Variants in MAPK14 observed in about 807,000 individuals in gnomAD.
MAPK14 encodes the protein mitogen-activated protein kinase 14, also known as CSAID-binding protein.
In MAPK14, 16 loss-of-function variants were observed where a neutral mutation model predicts 49.6. The ratio of observed to expected loss-of-function variants is 0.32; its 90% CI spans 0.22 to 0.49. The LOEUF (loss-of-function observed/expected upper bound fraction) is 0.49. Among genes scored for constraint, MAPK14 ranks in the 20% least tolerant of loss-of-function variants. MAPK14 has a pLI of 0.99. For synonymous variants in MAPK14, 142 were observed against 158.0 expected (o/e 0.90, Z 0.76); for missense variants, 200 against 441.2 (o/e 0.45, Z 4.90).
Position 36,107,414 on chromosome 6 carries a change from A to G in MAPK14, c.842-41A>G. 1.4e-6 allele frequency: 2 copies of G among 1,422,400 alleles called. No individual in the cohort carries two copies. Among genetic ancestry groups the G allele is most frequent in the Non-Finnish European group, 1.9e-6 (2 of 1,063,246 alleles). The allele number at this position is 1,422,400 out of a possible 1,614,324, so 88.1% of individuals were successfully genotyped here. A position where few individuals can be genotyped will look rare whatever the true frequency, so the allele number is the denominator to read the frequency against. ...TCAATAAGGCATACTTTTTTGTAAC[A>G]TGTTAAAAACTCTTTTCCTTCCTGT... On this transcript the variant is annotated intron_variant, in intron 10 of 11. Transcript: ENST00000229794. This position sits in a 1 kb window ranked among gnomAD's most constrained non-coding sequence, Gnocchi z 4.3.
intron 11 of MAPK14, among the ~76,000 whole-genome samples, chr6:36,108,133 G>T (rs12530381): frequency 6.6e-6 from 1 of 151,926 alleles, no homozygotes; most frequent in African/African-American, 2.4e-5. Flanking sequence ...GAGCACCTCC[G>T]TAGAGAGCTT....
chr6:36,061,913 T>G (rs1763835990), intron 3 of MAPK14, among the ~76,000 whole-genome samples: 1 of 152,244 alleles, frequency 6.6e-6, no homozygotes, highest in South Asian at 2.1e-4. Flanking sequence ...TTCCATTGTT[T>G]ACTTTTTATT....
chr6:36,032,889 C>T (rs184190188), intron 1 of MAPK14, among the ~76,000 whole-genome samples: 5 of 152,188 alleles, frequency 3.3e-5, no homozygotes, highest in African/African-American at 9.6e-5. Context: ...ATACAACTTC[C>T]TAAGTGCTTT....
Position 36,079,629 on chromosome 6 carries a change from C to G in MAPK14, c.682+3021C>G, listed in dbSNP as rs141914302. Among the ~76,000 whole-genome samples, 1,366 of 152,302 alleles carry G rather than the reference C, an allele frequency of 9.0e-3. 17 individuals carry two copies. Among genetic ancestry groups the G allele is most frequent in the African/African-American group, 0.032 (1,312 of 41,558 alleles). Reference sequence around the variant, plus strand: ...GGAAAAGCTTGCTCTAGAAGGTACTCATTGTTTGAGTGTCCAGTTTTCTCC... The same window carrying G: ...GGAAAAGCTTGCTCTAGAAGGTACTGATTGTTTGAGTGTCCAGTTTTCTCC... On this transcript the variant is annotated intron_variant, in intron 8 of 11. Coordinates refer to ENST00000229794, the MANE Select transcript of MAPK14 (RefSeq NM_139012.3).
chr6:36,096,729 C>T (rs1221266079), intron 9 of MAPK14: 1 of 152,210 alleles, frequency 6.6e-6, no homozygotes, highest in Non-Finnish European at 1.5e-5. Flanking sequence ...CCTCCTATTG[C>T]CTTGTAATTA....
intron 6 of MAPK14, among the ~76,000 whole-genome samples, chr6:36,075,511 A>T (rs139319338): frequency 6.6e-6 from 1 of 152,200 alleles, no homozygotes; most frequent in East Asian, 1.9e-4. Flanking sequence ...TTTTAAATCT[A>T]TCCACCTGCT....
rs147950374 is a variant in MAPK14 at position 36,076,949 on chromosome 6, A to G, written c.682+341A>G. 1,330 of 181,118 alleles carry G rather than the reference A, an allele frequency of 7.3e-3. 8 individuals are homozygous for G. Among genetic ancestry groups the G allele is most frequent in the Non-Finnish European group, 0.012 (1,014 of 87,058 alleles). 11.2% of individuals were successfully genotyped at this position (181,118 alleles called of 1,614,324 possible). On this transcript the variant is annotated intron_variant, in intron 8 of 11. Transcript: ENST00000229794. ...CCAGTGACAGTTTTAGTCTTCTTGT[A>G]TAAACACTTAATGAGCACAAGATGC...
At chr6:36,080,837 C>T (rs1453507253) in intron 8 of MAPK14, among the ~76,000 whole-genome samples, 2 of 151,946 alleles carry the variant, frequency 1.3e-5, no homozygotes, top group Non-Finnish European at 2.9e-5. Context: ...TCCTGTATCT[C>T]CAAACTTGTT....
Position 36,106,920 on chromosome 6 carries a change from A to C in MAPK14, c.842-535A>C, listed in dbSNP as rs905144574. 1.3e-4 allele frequency among the ~76,000 whole-genome samples: 19 copies of C among 151,836 alleles called. 1 individual carries two copies. The highest frequency in any genetic ancestry group is 7.4e-5 in the Non-Finnish European group (5 of 67,984). On this transcript the variant is annotated intron_variant, in intron 10 of 11. Transcript: ENST00000229794. ...AACAGCTTAGGGGGACAAAAAAAAA[A>C]CAGCCCTGCCTACCTATTGTAGGTT...
downstream of MAPK14, among the ~76,000 whole-genome samples, chr6:36,114,027 A>G (rs1440633778): frequency 2.6e-5 from 4 of 152,186 alleles, no homozygotes; most frequent in East Asian, 1.9e-4. Flanking sequence ...TTTTGGCACT[A>G]TTGGCATCTC....
At chr6:36,063,641 T>C (rs796844112) in intron 3 of MAPK14, among the ~76,000 whole-genome samples, 4 of 152,332 alleles carry the variant, frequency 2.6e-5, no homozygotes, top group African/African-American at 9.6e-5. Flanking sequence ...AGATTTTTGC[T>C]ATGTTTTAAA....
intron 2 of MAPK14, among the ~76,000 whole-genome samples, chr6:36,053,977 A>G (rs1763495542): frequency 7.9e-6 from 1 of 126,754 alleles, no homozygotes; most frequent in Non-Finnish European, 1.7e-5. Flanking sequence ...GTATAATTTT[A>G]CTTAAGTAGC....
rs564252041 is a variant in MAPK14 at position 36,046,591 on chromosome 6, C to G, written c.117-6108C>G. On this transcript the variant is annotated intron_variant, in intron 1 of 11. Coordinates refer to ENST00000229794, the MANE Select transcript of MAPK14 (RefSeq NM_139012.3). ...TCAAGATTATATAGCTATTAAGTGG[C>G]AGAACTGGAATTAAAATCCAGATAG... Among the ~76,000 whole-genome samples the G allele has an allele frequency of 1.1e-3, 167 of 152,234 alleles. 1 individual carries two copies. The highest frequency in any genetic ancestry group is 1.9e-3 in the Non-Finnish European group (128 of 68,026).
At chr6:36,033,111 G>A (rs1044242009) in intron 1 of MAPK14, among the ~76,000 whole-genome samples, 2 of 152,060 alleles carry the variant, frequency 1.3e-5, no homozygotes, top group Non-Finnish European at 2.9e-5. Context: ...TTCTAGTAGT[G>A]ATAGTAGGTC....
intron 8 of MAPK14, chr6:36,076,845 C>G: frequency 2.6e-6 from 1 of 381,546 alleles, no homozygotes; most frequent in East Asian, 4.5e-5. Context: ...TCAAGTCTGT[C>G]TTCTTTTTGC....
intron 9 of MAPK14, among the ~76,000 whole-genome samples, chr6:36,099,422 T>C (rs1474376207): frequency 1.3e-5 from 2 of 152,200 alleles, no homozygotes; most frequent in African/African-American, 4.8e-5. Context: ...TCTGCCCTTA[T>C]CAGATGCTTG....
intron 8 of MAPK14, among the ~76,000 whole-genome samples, chr6:36,077,481 A>C (rs1764577714): frequency 6.6e-6 from 1 of 152,046 alleles, no homozygotes; most frequent in South Asian, 2.1e-4. Flanking sequence ...AGAGATCTAA[A>C]AGCCATTTTA....
chr6:36,053,967 GTATAAT>G, intron 2 of MAPK14, among the ~76,000 whole-genome samples: 1 of 130,542 alleles, frequency 7.7e-6, no homozygotes, highest in Non-Finnish European at 1.7e-5. Context: ...CTATTCCTGA[GTATAAT>G]TTTACTTAAG....
chr6:36,123,288 ACT>A, the MAPK14 span, among the ~76,000 whole-genome samples: 1 of 151,890 alleles, frequency 6.6e-6, no homozygotes, highest in Non-Finnish European at 1.5e-5. Context: ...CAGGTTGTAC[ACT>A]CTGGTTCTTT....
Sources: gnomAD v4.1 joint callset for allele counts (sites outside exome capture counted in the v4.1 genomes callset) on GRCh38, gnomAD v4.1.1 for gene constraint, Gnocchi (gnomAD v3.1) non-coding constraint, MANE v1.5 for transcripts, NCBI Gene and HGNC (gene_info 2026-07-23, HGNC 2026-07-21) for gene names.